Variants in RPTOR observed in about 807,000 individuals in gnomAD.
RPTOR encodes regulatory associated protein of MTOR complex 1.
In RPTOR, 21 loss-of-function variants were observed where a neutral mutation model predicts 169.9. The observed-to-expected ratio is 0.12, with a 90% CI of 0.09 to 0.18. The LOEUF (loss-of-function observed/expected upper bound fraction) is 0.18, where lower values mean the gene tolerates loss of function less well. RPTOR is among the 10% of genes least tolerant of loss of function. The pLI is 1.00. For missense variants in RPTOR, 1,133 were observed against 1,855.9 expected (o/e 0.61, Z 7.16); for synonymous variants, 732 against 753.2 (o/e 0.97, Z 0.46).
intron 20 of RPTOR, among the ~76,000 whole-genome samples, chr17:80,895,076 C>G (rs193070520): frequency 5.9e-5 from 9 of 152,226 alleles, no homozygotes; most frequent in African/African-American, 1.4e-4. Context: ...GACAGTGAGG[C>G]CGGTTCTAGT....
intron 5 of RPTOR, among the ~76,000 whole-genome samples, chr17:80,750,851 A>T (rs2066623559): frequency 6.6e-6 from 1 of 152,024 alleles, no homozygotes; most frequent in Non-Finnish European, 1.5e-5. Flanking sequence ...AATATCCCTA[A>T]TGTCACCGAA....
chr17:80,881,975 G>A (rs1253743472), intron 14 of RPTOR, among the ~76,000 whole-genome samples: 1 of 152,170 alleles, frequency 6.6e-6, no homozygotes, highest in African/African-American at 2.4e-5. Context: ...CCTCAGAAAC[G>A]ATTGATTTTT....
chr17:80,720,187 A>G (rs946592661), intron 4 of RPTOR, among the ~76,000 whole-genome samples: 2 of 152,186 alleles, frequency 1.3e-5, no homozygotes, highest in South Asian at 4.2e-4. Flanking sequence ...AATCCCAGCT[A>G]CTCAGGAGGC....
At chr17:80,781,898 C>T (rs1000501061) in intron 6 of RPTOR, among the ~76,000 whole-genome samples, 2 of 152,254 alleles carry the variant, frequency 1.3e-5, no homozygotes, top group African/African-American at 4.8e-5. Context: ...AGACCTCCTT[C>T]TAGCTGATCT....
At chr17:80,911,708 C>T in intron 21 of RPTOR, among the ~76,000 whole-genome samples, 1 of 152,168 alleles carries the variant, frequency 6.6e-6, no homozygotes, top group Non-Finnish European at 1.5e-5. Flanking sequence ...TCCCTTGAGC[C>T]CAGGAGCTCA....
chr17:80,749,506 G>A (rs796399155), intron 5 of RPTOR, among the ~76,000 whole-genome samples: 2 of 124,232 alleles, frequency 1.6e-5, no homozygotes, highest in Non-Finnish European at 1.7e-5. Flanking sequence ...TTTGGAGGCC[G>A]TGGCGGGAGG....
chr17:80,635,122 C>G (rs2065496275), intron 2 of RPTOR, among the ~76,000 whole-genome samples: 1 of 152,186 alleles, frequency 6.6e-6, no homozygotes, highest in African/African-American at 2.4e-5. Context: ...GTGCCTCCTC[C>G]TGTGTGAACC....
intron 3 of RPTOR, among the ~76,000 whole-genome samples, chr17:80,676,549 C>G (rs1049805123): frequency 6.6e-6 from 1 of 152,330 alleles, no homozygotes; most frequent in Admixed American, 6.5e-5. Context: ...CCTCTGCACC[C>G]AGTGCCCTGT....
chr17:80,599,650 T>A (rs1266087975), intron 1 of RPTOR, among the ~76,000 whole-genome samples: 1 of 152,172 alleles, frequency 6.6e-6, no homozygotes, highest in Non-Finnish European at 1.5e-5. Context: ...ACTCTGCCAA[T>A]GTGAGAAGGC....
At chr17:80,855,251 T>G (rs763781258) in intron 11 of RPTOR, among the ~76,000 whole-genome samples, 2 of 152,258 alleles carry the variant, frequency 1.3e-5, no homozygotes, top group Non-Finnish European at 2.9e-5. Flanking sequence ...TGAGCATCTT[T>G]TATCTGTGTA....
At chr17:80,632,947 G>A (rs1425792992) in intron 2 of RPTOR, among the ~76,000 whole-genome samples, 1 of 152,046 alleles carries the variant, frequency 6.6e-6, no homozygotes, top group African/African-American at 2.4e-5. Context: ...TGGGACTGTA[G>A]ATGTGCATCC....
At chr17:80,892,609 C>A in intron 18 of RPTOR, 120 bp from the exon 19 acceptor site, 1 of 1,119,002 alleles carries the variant, frequency 8.9e-7, no homozygotes, top group South Asian at 1.4e-5. Flanking sequence ...CCTGCTCTGA[C>A]ATTTGTTGCA....
intron 7 of RPTOR, among the ~76,000 whole-genome samples, chr17:80,804,056 T>G (rs1010575582): frequency 2.0e-5 from 3 of 152,200 alleles, no homozygotes; most frequent in African/African-American, 7.2e-5. Flanking sequence ...ACTTAATGGG[T>G]CTACAGGGGC....
At chr17:80,675,741 C>G (rs2065857142) in intron 3 of RPTOR, among the ~76,000 whole-genome samples, 1 of 152,236 alleles carries the variant, frequency 6.6e-6, no homozygotes, top group African/African-American at 2.4e-5. Context: ...CTTCACTGCT[C>G]TCACACCAGC....
At chr17:80,940,656 C>A in intron 25 of RPTOR, 55 bp downstream of exon 25, 1 of 1,446,164 alleles carries the variant, frequency 6.9e-7, no homozygotes, top group Non-Finnish European at 9.5e-7. Context: ...GGGCCTGGGG[C>A]GAGGGTCCCC....
At chr17:80,881,979 G>A (rs760767048) in intron 14 of RPTOR, among the ~76,000 whole-genome samples, 3 of 152,200 alleles carry the variant, frequency 2.0e-5, no homozygotes, top group Non-Finnish European at 4.4e-5. Context: ...AGAAACGATT[G>A]ATTTTTCTAA....
chr17:80,676,013 C>T (rs1454869344), intron 3 of RPTOR, among the ~76,000 whole-genome samples: 1 of 135,318 alleles, frequency 7.4e-6, no homozygotes, highest in Non-Finnish European at 1.6e-5. Context: ...GCAGACAATT[C>T]TGAAAGAAAT....
chr17:80,923,148 A>G (rs937121194), intron 22 of RPTOR, among the ~76,000 whole-genome samples: 14 of 152,350 alleles, frequency 9.2e-5, no homozygotes, highest in African/African-American at 3.4e-4. Context: ...TGGGTAACCA[A>G]CAGGTGTTTG....
intron 3 of RPTOR, among the ~76,000 whole-genome samples, chr17:80,678,834 T>C (rs954186386): frequency 2.6e-5 from 4 of 152,192 alleles, no homozygotes; most frequent in Non-Finnish European, 2.9e-5. Flanking sequence ...TGTGCGTGGA[T>C]TGGGGCCCTC....
Sources: allele counts gnomAD v4.1 joint callset (sites outside exome capture counted in the v4.1 genomes callset), GRCh38; gene constraint gnomAD v4.1.1; transcripts MANE v1.5; gene names NCBI Gene and HGNC (gene_info 2026-07-23, HGNC 2026-07-21).